RBFOX1: variants seen among roughly 807,000 people sequenced by gnomAD.
RBFOX1 encodes the protein RNA binding protein fox-1 homolog 1.
A neutral mutation model predicts 57.7 loss-of-function variants in RBFOX1; 8 were observed. That is an observed-to-expected ratio of 0.14 (90% CI 0.08 to 0.25). The LOEUF (loss-of-function observed/expected upper bound fraction) is 0.25. Ranked by LOEUF, RBFOX1 falls within the 10% of genes least tolerant of loss-of-function variation. The pLI is 1.00. For missense variants in RBFOX1, 611 were observed against 548.5 expected (o/e 1.11, Z -1.14); for synonymous variants, 326 against 222.4 (o/e 1.47, Z -4.15).
intron 4 of RBFOX1, among the ~76,000 whole-genome samples, chr16:7,262,608 C>T (rs1442785632): frequency 1.3e-5 from 2 of 152,262 alleles, no homozygotes; most frequent in African/African-American, 2.4e-5. Context: ...GTGGCTGCTG[C>T]AGTCTCTGGC....
intron 4 of RBFOX1, among the ~76,000 whole-genome samples, chr16:7,269,583 A>G (rs2095266907): frequency 6.6e-6 from 1 of 152,202 alleles, no homozygotes; most frequent in South Asian, 2.1e-4. Flanking sequence ...TTACCATGCC[A>G]TGAATCATTT....
chr16:7,288,647 C>T (rs570659096), intron 4 of RBFOX1, among the ~76,000 whole-genome samples: 13 of 152,246 alleles, frequency 8.5e-5, no homozygotes, highest in African/African-American at 2.9e-4. Flanking sequence ...TCGAGACCAG[C>T]CTGGCCAACA....
At chr16:7,409,515 AGTT>A (rs1276461756) in intron 4 of RBFOX1, among the ~76,000 whole-genome samples, 9 of 152,336 alleles carry the variant, frequency 5.9e-5, no homozygotes, top group Middle Eastern at 3.4e-3. Flanking sequence ...AGCTGTTGCC[AGTT>A]GTTCCTGGTT....
At chr16:5,730,612 T>C (rs931063365) in intron 3 of RBFOX1, among the ~76,000 whole-genome samples, 1 of 152,086 alleles carries the variant, frequency 6.6e-6, no homozygotes, top group Non-Finnish European at 1.5e-5. Flanking sequence ...CCACTGCCGT[T>C]GTCACCACTG....
intron 5 of RBFOX1, among the ~76,000 whole-genome samples, chr16:7,539,505 T>C (rs761829475): frequency 6.6e-6 from 1 of 152,188 alleles, no homozygotes; most frequent in Non-Finnish European, 1.5e-5. Context: ...AGGTGACATA[T>C]TGTCCATGAT....
At chr16:7,175,995 C>T (rs1426489958) in intron 4 of RBFOX1, among the ~76,000 whole-genome samples, 1 of 152,012 alleles carries the variant, frequency 6.6e-6, no homozygotes, top group Non-Finnish European at 1.5e-5. Context: ...GAGGTGCGTG[C>T]TTAGCAGCCA....
intron 4 of RBFOX1, among the ~76,000 whole-genome samples, chr16:7,119,900 C>A (rs4471694): frequency 6.6e-6 from 1 of 151,944 alleles, no homozygotes; most frequent in Non-Finnish European, 1.5e-5. Flanking sequence ...GCAGGATGTC[C>A]GTTCTGTTCA....
chr16:6,903,373 C>T lies in RBFOX1; in HGVS notation c.-15-148684C>T, dbSNP rs559792475. On this transcript the variant is annotated intron_variant, in intron 3 of 15. Coordinates refer to ENST00000550418, the MANE Select transcript of RBFOX1 (RefSeq NM_018723.4). The stretch of plus-strand genomic sequence containing the variant: ...AAGCAAGAATGATGGGAAACCATTG[C>T]ACAGATTCTAACATAGAGGCCAGTT... 4.6e-5 allele frequency among the ~76,000 whole-genome samples: 7 copies of T among 152,278 alleles called. No homozygotes were observed. In the South Asian group the frequency reaches 1.0e-3, roughly 23 times the overall value.
At chr16:5,521,856 C>G (rs1173304518) in intron 2 of RBFOX1, among the ~76,000 whole-genome samples, 1 of 152,190 alleles carries the variant, frequency 6.6e-6, no homozygotes, top group Non-Finnish European at 1.5e-5. Context: ...ATATCCCTAG[C>G]TTTTGTCCAG....
At chr16:5,971,294 T>C (rs1431844228) in intron 4 of RBFOX1, among the ~76,000 whole-genome samples, 1 of 152,194 alleles carries the variant, frequency 6.6e-6, no homozygotes, top group African/African-American at 2.4e-5. Flanking sequence ...ACAGTCCTTG[T>C]CATGTGACAG....
chr16:5,766,732 C>T (rs778658149), intron 3 of RBFOX1, among the ~76,000 whole-genome samples: 7 of 152,128 alleles, frequency 4.6e-5, no homozygotes. Context: ...GACCAGATGT[C>T]AACATGAGAT....
At chr16:5,416,049 G>A (rs2151474980) in intron 1 of RBFOX1, among the ~76,000 whole-genome samples, 1 of 152,324 alleles carries the variant, frequency 6.6e-6, no homozygotes, top group Admixed American at 6.5e-5. Flanking sequence ...AGGTTTGACT[G>A]TGGCTAAGGA....
chr16:5,256,524 A>G (rs1156262402), intron 1 of RBFOX1, among the ~76,000 whole-genome samples: 1 of 152,228 alleles, frequency 6.6e-6, no homozygotes, highest in Non-Finnish European at 1.5e-5. Flanking sequence ...TAGATGGCAG[A>G]TGAGAGCTCT....
intron 3 of RBFOX1, among the ~76,000 whole-genome samples, chr16:6,858,605 T>C (rs2058337265): frequency 6.6e-6 from 1 of 152,202 alleles, no homozygotes. Flanking sequence ...TCATTCTCTT[T>C]ATGTGAGACT....
At chr16:6,114,980 G>A (rs2096483759) in intron 1 of RBFOX1, among the ~76,000 whole-genome samples, 1 of 152,150 alleles carries the variant, frequency 6.6e-6, no homozygotes, top group Admixed American at 6.5e-5. Flanking sequence ...ACAAGTTAAT[G>A]CAAACTGAGG....
At chr16:5,489,914 C>T (rs973718931) in intron 2 of RBFOX1, among the ~76,000 whole-genome samples, 2 of 152,224 alleles carry the variant, frequency 1.3e-5, no homozygotes, top group Non-Finnish European at 2.9e-5. Context: ...GCACCTTAAG[C>T]GCTGAATCCA....
chr16:7,029,081 TACACAC>T (rs71147635), intron 3 of RBFOX1, among the ~76,000 whole-genome samples: 671 of 47,770 alleles, frequency 0.014, 33 homozygotes, highest in Middle Eastern at 0.065. Flanking sequence ...TATATATATA[TACACAC>T]ACACACACAC....
chr16:5,591,858 T>C (rs547420386), intron 2 of RBFOX1, among the ~76,000 whole-genome samples: 1 of 152,184 alleles, frequency 6.6e-6, no homozygotes, highest in South Asian at 2.1e-4. Context: ...GTTATACTCA[T>C]GCAGATGTTT....
intron 4 of RBFOX1, among the ~76,000 whole-genome samples, chr16:5,976,244 A>C (rs2060060170): frequency 6.6e-6 from 1 of 152,230 alleles, no homozygotes; most frequent in South Asian, 2.1e-4. Flanking sequence ...TGTTAGTAGC[A>C]AGTAGCATAC....
Sources: allele counts gnomAD v4.1 joint callset (sites outside exome capture counted in the v4.1 genomes callset), GRCh38; gene constraint gnomAD v4.1.1; transcripts MANE v1.5; gene names NCBI Gene and HGNC (gene_info 2026-07-23, HGNC 2026-07-21).